Variants in YEATS2 observed in about 807,000 individuals in gnomAD.
The protein encoded by YEATS2 is YEATS domain-containing protein 2.
Under a neutral mutation model 163.2 loss-of-function variants are expected in YEATS2, and 77 were observed. The ratio of observed to expected loss-of-function variants is 0.47; its 90% CI spans 0.39 to 0.57. The LOEUF (loss-of-function observed/expected upper bound fraction) is 0.57, where lower values mean the gene tolerates loss of function less well. Ranked by LOEUF, YEATS2 falls within the 20% of genes least tolerant of loss-of-function variation. The probability of loss-of-function intolerance (pLI) is 0.00; values close to 1 mark genes in which losing one functional copy is unlikely to be tolerated. For missense variants in YEATS2, 1,549 were observed against 1,729.8 expected (o/e 0.90, Z 1.85); for synonymous variants, 631 against 645.1 (o/e 0.98, Z 0.33).
chr3:183,777,670 C>G lies in YEATS2; in HGVS notation c.2706C>G (p.Ile902Met). 1.9e-6 allele frequency: 3 copies of G among 1,614,180 alleles called. No individual in the cohort carries two copies. Among genetic ancestry groups the G allele is most frequent in the Non-Finnish European group, 1.7e-6 (2 of 1,180,034 alleles). Residue 902 changes from isoleucine to methionine, a missense_variant, in exon 19 of 31, where the codon ATC (isoleucine) becomes ATG (methionine). Ile to Met is a conservative substitution (Grantham distance 10). Transcript: ENST00000305135. ...SAQGQQTLKVISGQKTTLFTQ... is the reference protein window; with the variant it reads ...SAQGQQTLKVMSGQKTTLFTQ... ...AAGGACAACAAACGCTAAAAGTCAT[C>G]TCTGGACAGAAAACCACATTGTTTA...
intron 21 of YEATS2, among the ~76,000 whole-genome samples, chr3:183,796,109 A>G (rs1257526054): frequency 1.3e-5 from 2 of 148,582 alleles, no homozygotes; most frequent in African/African-American, 2.5e-5. Flanking sequence ...CAGCCTCCCA[A>G]GTAGCTTGAA....
At chr3:183,704,150 C>CA (rs58466117) in intron 1 of YEATS2, among the ~76,000 whole-genome samples, 2,928 of 95,230 alleles carry the variant, frequency 0.031, 31 homozygotes, top group African/African-American at 0.06. Flanking sequence ...GACTCCATCT[C>CA]AAAAAAAAAA....
chr3:183,769,341 C>T (rs555103893), intron 15 of YEATS2, among the ~76,000 whole-genome samples: 95 of 152,318 alleles, frequency 6.2e-4, no homozygotes, highest in African/African-American at 1.9e-3. Flanking sequence ...TGGCCGAATG[C>T]GGAAGACAGC....
At chr3:183,735,065 C>T (rs1718195162) in intron 7 of YEATS2, among the ~76,000 whole-genome samples, 2 of 152,122 alleles carry the variant, frequency 1.3e-5, no homozygotes, top group Admixed American at 1.3e-4. Context: ...TTTTTCCTGA[C>T]TTTGTGCTGT....
intron 25 of YEATS2, 41 bp downstream of exon 25, chr3:183,801,569 G>A: frequency 1.4e-6 from 2 of 1,481,456 alleles, no homozygotes; most frequent in Non-Finnish European, 1.9e-6. Context: ...ATTTTTGAAA[G>A]CTGTGAACTT....
chr3:183,717,315 TTCTTG>T (rs1342259141), intron 2 of YEATS2, among the ~76,000 whole-genome samples: 1 of 152,230 alleles, frequency 6.6e-6, no homozygotes. Context: ...TTGTCTTTCT[TTCTTG>T]TCTTTAATAT....
At chr3:183,712,199 T>TTATGTTATGTTATGTTATGTTAGGTTATG (rs1560220669) in intron 1 of YEATS2, among the ~76,000 whole-genome samples, 1 of 93,926 alleles carries the variant, frequency 1.1e-5, no homozygotes, top group African/African-American at 6.3e-5. Context: ...TTTATTTTAT[T>TTATGTTATGTTATGTTATGTTAGGTTATG]TTATTTTATT....
At chr3:183,752,537 G>A (rs549791135) in intron 10 of YEATS2, among the ~76,000 whole-genome samples, 7 of 151,492 alleles carry the variant, frequency 4.6e-5, no homozygotes, top group East Asian at 2.0e-4. Context: ...GTGAAACCCC[G>A]TCTCTACTAA....
chr3:183,781,389 C>T (rs1723545369), intron 19 of YEATS2, among the ~76,000 whole-genome samples: 1 of 152,184 alleles, frequency 6.6e-6, no homozygotes, highest in Admixed American at 6.5e-5. Flanking sequence ...AGAATTCGCC[C>T]ATTGTCCGCC....
chr3:183,788,889 A>AT (rs1475644793), intron 20 of YEATS2, among the ~76,000 whole-genome samples: 1 of 152,108 alleles, frequency 6.6e-6, no homozygotes, highest in Non-Finnish European at 1.5e-5. Context: ...GATGTTGAGC[A>AT]TTTTTTTATA....
intron 15 of YEATS2, among the ~76,000 whole-genome samples, chr3:183,770,249 G>A (rs558884047): frequency 1.8e-4 from 28 of 151,812 alleles, no homozygotes; most frequent in African/African-American, 6.5e-4. Context: ...TTAGCTGGGC[G>A]TGGTGGCGCC....
intron 19 of YEATS2, among the ~76,000 whole-genome samples, chr3:183,785,577 G>C (rs1723988806): frequency 1.3e-5 from 2 of 151,614 alleles, no homozygotes; most frequent in Admixed American, 1.3e-4. Context: ...GATCACTTGA[G>C]CCCAGGAGTT....
intron 6 of YEATS2, among the ~76,000 whole-genome samples, chr3:183,727,272 C>T (rs148394851): frequency 5.9e-5 from 9 of 152,026 alleles, no homozygotes; most frequent in Non-Finnish European, 4.4e-5. Flanking sequence ...CAAAAGAAGA[C>T]GTAACTACAG....
Position 183,714,994 on chromosome 3 carries a change from C to T in YEATS2, c.-19-150C>T, listed in dbSNP as rs1213079073. ...TGTATATGTGTGTATATACACATAC[C>T]CACAGACTTGCAAGTACCAGTATTA... On this transcript the variant is annotated intron_variant, in intron 1 of 30. Coordinates refer to ENST00000305135, the MANE Select transcript of YEATS2 (RefSeq NM_018023.5). 7 of 517,324 alleles carry T rather than the reference C, an allele frequency of 1.4e-5. No homozygotes were observed. The East Asian group carries it at 1.8e-4, about 14-fold the overall frequency. The allele number at this position is 517,324 out of a possible 1,614,324, so 32.0% of individuals were successfully genotyped here. A position where few individuals can be genotyped will look rare whatever the true frequency, so the allele number is the denominator to read the frequency against.
At chr3:183,741,246 G>T (rs1257225610) in intron 8 of YEATS2, among the ~76,000 whole-genome samples, 3 of 152,016 alleles carry the variant, frequency 2.0e-5, no homozygotes, top group East Asian at 3.9e-4. Context: ...GCCACAGCTG[G>T]TAACTTTAAA....
At chr3:183,771,063 G>A (rs1279432457) in intron 15 of YEATS2, among the ~76,000 whole-genome samples, 2 of 152,122 alleles carry the variant, frequency 1.3e-5, no homozygotes, top group African/African-American at 4.8e-5. Flanking sequence ...CCTACTATAC[G>A]GGGGTATGTG....
intron 8 of YEATS2, among the ~76,000 whole-genome samples, chr3:183,745,483 T>G (rs1003465866): frequency 6.6e-6 from 1 of 152,164 alleles, no homozygotes; most frequent in African/African-American, 2.4e-5. Flanking sequence ...TTTAATGCTC[T>G]TCCCCTCCTC....
chr3:183,713,023 T>G (rs962166625), intron 1 of YEATS2, among the ~76,000 whole-genome samples: 1 of 151,804 alleles, frequency 6.6e-6, no homozygotes, highest in African/African-American at 2.4e-5. Flanking sequence ...AGCCTCCTAA[T>G]GTGCTGGGAT....
intron 3 of YEATS2, 58 bp from the exon 4 acceptor site, chr3:183,718,442 T>G (rs1716135610): frequency 2.3e-6 from 3 of 1,326,340 alleles, no homozygotes; most frequent in Admixed American, 2.4e-5. Context: ...GTGAATTGTT[T>G]GTACATCTCT....
Sources: allele counts gnomAD v4.1 joint callset (sites outside exome capture counted in the v4.1 genomes callset), GRCh38; gene constraint gnomAD v4.1.1; transcripts MANE v1.5; gene names NCBI Gene and HGNC (gene_info 2026-07-23, HGNC 2026-07-21).